PHC2: variants seen among roughly 807,000 people sequenced by gnomAD.
PHC2 encodes polyhomeotic-like protein 2.
A neutral mutation model predicts 87.4 loss-of-function variants in PHC2; 29 were observed. The ratio of observed to expected loss-of-function variants is 0.33; its 90% CI spans 0.25 to 0.45. The LOEUF (loss-of-function observed/expected upper bound fraction) is 0.45, where lower values mean the gene tolerates loss of function less well. PHC2 is among the 20% of genes least tolerant of loss of function. The pLI, the probability that PHC2 is intolerant of heterozygous loss-of-function variation, is 1.00. For synonymous variants in PHC2, 438 were observed against 461.7 expected (o/e 0.95, Z 0.66); for missense variants, 857 against 1,136.7 (o/e 0.75, Z 3.54).
chr1:33,329,744 C>T (rs1166272311), intron 13 of PHC2, among the ~76,000 whole-genome samples: 4 of 152,184 alleles, frequency 2.6e-5, no homozygotes, highest in Admixed American at 2.6e-4. Flanking sequence ...TCACCCAGCC[C>T]TCCACGTAAG....
In PHC2 at chr1:33,372,411, C is replaced by T; in HGVS notation, c.211G>A (p.Ala71Thr). Residue 71 changes from alanine (A) to threonine (T), a missense_variant, in exon 3 of 15, where the codon GCC becomes ACC. Transcript: ENST00000683057. ...QQALHRQPST[A>T]AQYLQQMYAA... is the part of the protein sequence containing the mutation. Reference sequence around the variant, plus strand: ...TACATCTGCTGCAGGTACTGAGCGGCCGTGCTGGGCTGTCTGTGCAGGGCC... The same window carrying T: ...TACATCTGCTGCAGGTACTGAGCGGTCGTGCTGGGCTGTCTGTGCAGGGCC... 1 of 1,598,936 alleles carries T rather than the reference C, an allele frequency of 6.3e-7. No homozygotes were observed. Among genetic ancestry groups the T allele is most frequent in the East Asian group, 2.3e-5 (1 of 44,208 alleles).
chr1:33,323,881 T>C lies in PHC2; in HGVS notation c.*984A>G, dbSNP rs578108068. On this transcript the variant is annotated 3_prime_UTR_variant, in exon 15 of 15. Transcript: ENST00000683057. ...AGTGGGAGGCCAAGAGCTGCCTTCT[T>C]CACATCAACAGAAACTCCAGCTGTT... The C allele has an allele frequency of 6.6e-6, 1 of 152,530 alleles. No homozygotes were observed. The highest frequency in any genetic ancestry group is 2.1e-4 in the South Asian group (1 of 4,830). The allele number at this position is 152,530 out of a possible 1,614,324, so 9.4% of individuals were successfully genotyped here.
intron 1 of PHC2, among the ~76,000 whole-genome samples, chr1:33,387,523 C>T (rs1279149290): frequency 6.6e-6 from 1 of 152,202 alleles, no homozygotes; most frequent in Non-Finnish European, 1.5e-5. Flanking sequence ...TCAGGCCAGC[C>T]ACTGGTAAAT....
chr1:33,355,079 C>G lies in PHC2; in HGVS notation c.1151G>C (p.Ser384Thr), dbSNP rs1344176631. Residue 384 changes from serine to threonine, a missense_variant, in exon 8 of 15, where the codon AGC becomes ACC. Around this residue, in one of 3 missense-constraint regions of PHC2, gnomAD observed 832 missense variants for 1,081.8 expected, o/e 0.77. Transcript: ENST00000683057. ...PHPQLASVSPSVALQPSSEAH... is the reference protein window; with the variant it reads ...PHPQLASVSPTVALQPSSEAH... Reference sequence around the variant, plus strand: ...CTCTGAGCTGGGCTGGAGGGCCACGCTTGGAGAGACTGAGGCGAGCTGGGG... The same window carrying G: ...CTCTGAGCTGGGCTGGAGGGCCACGGTTGGAGAGACTGAGGCGAGCTGGGG... 1 of 1,612,706 alleles carries G rather than the reference C, an allele frequency of 6.2e-7. No homozygotes were observed. The highest frequency in any genetic ancestry group is 1.7e-5 in the Admixed American group (1 of 59,810).
At chr1:33,372,244 A>G (rs181820856) in intron 3 of PHC2, 45 bp downstream of exon 3, 392 of 1,479,962 alleles carry the variant, frequency 2.6e-4, no homozygotes, top group Non-Finnish European at 3.4e-4. Flanking sequence ...TGCTTCCACA[A>G]CCAGGATGCC....
chr1:33,376,886 A>G (rs1020768257), intron 1 of PHC2, among the ~76,000 whole-genome samples: 1 of 152,186 alleles, frequency 6.6e-6, no homozygotes, highest in Non-Finnish European at 1.5e-5. Context: ...CTGAGATCAC[A>G]CCACTGCACT....
intron 1 of PHC2, among the ~76,000 whole-genome samples, chr1:33,409,341 A>G (rs993718817): frequency 6.6e-6 from 1 of 152,208 alleles, no homozygotes; most frequent in African/African-American, 2.4e-5. Context: ...TAAGGACACA[A>G]AAAGGTTCAT....
At chr1:33,428,222 A>G (rs971036337) in intron 1 of PHC2, among the ~76,000 whole-genome samples, 2 of 152,150 alleles carry the variant, frequency 1.3e-5, no homozygotes, top group African/African-American at 2.4e-5. Context: ...CCCCCATACT[A>G]CACCACCACT....
At chr1:33,423,089 G>A (rs1650493216) in intron 1 of PHC2, among the ~76,000 whole-genome samples, 1 of 152,130 alleles carries the variant, frequency 6.6e-6, no homozygotes, top group South Asian at 2.1e-4. Context: ...ATGAGTGGCA[G>A]AGGCAAGGCT....
chr1:33,402,124 A>T (rs989667707), intron 1 of PHC2, among the ~76,000 whole-genome samples: 15 of 152,238 alleles, frequency 9.9e-5, no homozygotes, highest in African/African-American at 3.6e-4. Flanking sequence ...AGTAAAAGAC[A>T]CAACAGAAAA....
Position 33,382,185 on chromosome 1 carries a change from T to G in PHC2, c.-54-6592A>C, listed in dbSNP as rs1242269760. On this transcript the variant is annotated intron_variant, in intron 1 of 14. Coordinates refer to ENST00000683057, the MANE Select transcript of PHC2 (RefSeq NM_001385109.1). This position sits in a 1 kb window ranked among gnomAD's most constrained non-coding sequence, Gnocchi z 4.3. ...GCTTTAAAACTTTTTTTTCTACAGT[T>G]CCCCTTTTTGAACCAGAGCTTTCAT... Among the ~76,000 whole-genome samples, 18 of 152,060 alleles carry G rather than the reference T, an allele frequency of 1.2e-4. No homozygotes were observed. The highest frequency in any genetic ancestry group is 1.2e-3 in the Admixed American group (18 of 15,264).
intron 1 of PHC2, among the ~76,000 whole-genome samples, chr1:33,416,957 TAAATA>T (rs1445642562): frequency 1.3e-5 from 2 of 152,074 alleles, no homozygotes; most frequent in Non-Finnish European, 2.9e-5. Context: ...TAAAACATGT[TAAATA>T]AAATACATGA....
chr1:33,394,693 A>G (rs1241548762), intron 1 of PHC2, among the ~76,000 whole-genome samples: 1 of 152,194 alleles, frequency 6.6e-6, no homozygotes, highest in Non-Finnish European at 1.5e-5. Context: ...CTCTTGCCTC[A>G]GCCTCCGAAG....
At position 33,354,814 on chromosome 1, in the gene PHC2, G is replaced by A. The variant is rs750013008; in HGVS notation, c.1392+24C>T. ...GCTGTGGCCACCCCGTGTGCTCCCTGGACCTTGGGGCTGGCTTACTCACCA... is the reference window on the plus strand; with the variant it reads ...GCTGTGGCCACCCCGTGTGCTCCCTAGACCTTGGGGCTGGCTTACTCACCA... On this transcript the variant is annotated intron_variant, in intron 8 of 14. Coordinates refer to ENST00000683057, the MANE Select transcript of PHC2 (RefSeq NM_001385109.1). 6.2e-6 allele frequency: 10 copies of A among 1,605,272 alleles called. 1 individual carries two copies. The highest frequency in any genetic ancestry group is 1.7e-5 in the Admixed American group (1 of 59,730).
At chr1:33,397,636 G>A (rs920599639) in intron 1 of PHC2, among the ~76,000 whole-genome samples, 3 of 152,124 alleles carry the variant, frequency 2.0e-5, no homozygotes, top group Middle Eastern at 3.4e-3. Context: ...CTGGCAGCAC[G>A]GCAGCTCTCT....
intron 9 of PHC2, chr1:33,335,323 GC>G (rs1646605604): frequency 1.0e-6 from 1 of 985,254 alleles, no homozygotes; most frequent in Non-Finnish European, 1.2e-6. Flanking sequence ...ACCATCAACT[GC>G]CCCGTGAGCT....
At chr1:33,430,706 G>A (rs1650879045) in intron 1 of PHC2, among the ~76,000 whole-genome samples, 1 of 151,542 alleles carries the variant, frequency 6.6e-6, no homozygotes, top group African/African-American at 2.4e-5. Flanking sequence ...TCCCGGCCCG[G>A]GGGCGCCGCG....
rs768536827 is a variant in PHC2 at position 33,370,451 on chromosome 1, G to A, written c.546C>T (p.Ser182=). The change falls in exon 5 of 15, where the codon AGC becomes AGT. Residue 182 remains serine, a synonymous_variant. Transcript: ENST00000683057. ...GTGCCCTCAGATACATCTGTGCTTG[G>A]CTTGCAGTCAGGGCTGGGGAAGACG... ...GNTSSPALTA[S]QAQMYLRAQM... 1 of 1,614,086 alleles carries A rather than the reference G, an allele frequency of 6.2e-7. No homozygotes were observed. The highest frequency in any genetic ancestry group is 1.1e-5 in the South Asian group (1 of 91,078).
intron 13 of PHC2, 145 bp downstream of exon 13, chr1:33,329,926 G>C (rs1270100460): frequency 1.2e-6 from 1 of 848,118 alleles, no homozygotes; most frequent in African/African-American, 1.7e-5. Context: ...GGTGCAGAAG[G>C]CTCGACTGGA....
Sources: gnomAD v4.1 joint callset for allele counts (sites outside exome capture counted in the v4.1 genomes callset) on GRCh38, gnomAD v4.1.1 for gene constraint, gnomAD v4.1.1 regional missense constraint, Gnocchi (gnomAD v3.1) non-coding constraint, MANE v1.5 for transcripts, NCBI Gene and HGNC (gene_info 2026-07-23, HGNC 2026-07-21) for gene names.